AUTS2: variants seen among roughly 807,000 people sequenced by gnomAD.
The protein encoded by AUTS2 is autism susceptibility gene 2 protein.
In AUTS2, 17 loss-of-function variants were observed where a neutral mutation model predicts 112.4. That is an observed-to-expected ratio of 0.15 (90% CI 0.10 to 0.23). AUTS2 has a LOEUF of 0.23. AUTS2 is among the 10% of genes least tolerant of loss of function. The pLI is 1.00. For missense variants in AUTS2, 1,510 were observed against 1,701.6 expected (o/e 0.89, Z 1.98); for synonymous variants, 751 against 702.7 (o/e 1.07, Z -1.09).
At chr7:70,087,591 G>C (rs903387130) in intron 2 of AUTS2, among the ~76,000 whole-genome samples, 5 of 151,806 alleles carry the variant, frequency 3.3e-5, no homozygotes, top group African/African-American at 1.2e-4. Flanking sequence ...GGATGCTCTC[G>C]ATCTCCTGAT....
At chr7:69,888,967 G>T (rs1050467293) in intron 1 of AUTS2, among the ~76,000 whole-genome samples, 5 of 152,182 alleles carry the variant, frequency 3.3e-5, no homozygotes, top group African/African-American at 4.8e-5. Context: ...ATGGAAGTCC[G>T]AGAGGGGAAG....
intron 2 of AUTS2, among the ~76,000 whole-genome samples, chr7:70,006,306 C>T (rs538082220): frequency 6.6e-6 from 1 of 151,986 alleles, no homozygotes; most frequent in South Asian, 2.1e-4. Context: ...TTTCACATTG[C>T]CTTTGAGAGA....
At chr7:70,698,435 A>T (rs973552871) in intron 5 of AUTS2, 134 bp from the exon 6 acceptor site, 1 of 710,032 alleles carries the variant, frequency 1.4e-6, no homozygotes, top group Non-Finnish European at 2.3e-6. Context: ...CTTATGGATG[A>T]TTTGGGGACA....
chr7:69,648,234 C>G (rs1189037901), intron 1 of AUTS2, among the ~76,000 whole-genome samples: 2 of 152,024 alleles, frequency 1.3e-5, no homozygotes, highest in Non-Finnish European at 1.5e-5. Context: ...AACAAACTTA[C>G]AAGACATATA....
intron 5 of AUTS2, among the ~76,000 whole-genome samples, chr7:70,505,291 T>G (rs1798919046): frequency 6.6e-6 from 1 of 152,146 alleles, no homozygotes; most frequent in African/African-American, 2.4e-5. Flanking sequence ...CACCATGAAA[T>G]CAGGTGGGTG....
chr7:70,034,778 A>G (rs1180896296), intron 2 of AUTS2, among the ~76,000 whole-genome samples: 2 of 152,140 alleles, frequency 1.3e-5, no homozygotes. Context: ...CAGAACAAAC[A>G]TTGGTAGTTG....
chr7:70,354,475 G>T (rs1791903612), intron 4 of AUTS2, among the ~76,000 whole-genome samples: 1 of 152,166 alleles, frequency 6.6e-6, no homozygotes, highest in African/African-American at 2.4e-5. Context: ...TTTTCGCATG[G>T]ATTATCTTAA....
intron 4 of AUTS2, among the ~76,000 whole-genome samples, chr7:70,239,728 C>T (rs971381695): frequency 1.3e-5 from 2 of 152,080 alleles, no homozygotes; most frequent in African/African-American, 2.4e-5. Context: ...AGCCACCATA[C>T]CCGGCCCCTG....
chr7:70,095,760 TAG>T (rs1005857684), intron 2 of AUTS2, among the ~76,000 whole-genome samples: 5 of 152,204 alleles, frequency 3.3e-5, no homozygotes, highest in Admixed American at 2.6e-4. Flanking sequence ...GACTCTGTGA[TAG>T]AGTCTAAAGA....
chr7:69,900,743 G>A (rs1794936247), intron 2 of AUTS2, among the ~76,000 whole-genome samples: 1 of 152,120 alleles, frequency 6.6e-6, no homozygotes, highest in Admixed American at 6.5e-5. Flanking sequence ...AAACATCTGG[G>A]GTGATGGGTT....
chr7:70,565,164 A>G (rs931453519), intron 5 of AUTS2, among the ~76,000 whole-genome samples: 2 of 152,214 alleles, frequency 1.3e-5, no homozygotes, highest in Non-Finnish European at 1.5e-5. Context: ...TTATCTTGTA[A>G]TTTTAAAAGT....
At position 69,899,440 on chromosome 7, in the gene AUTS2, A is replaced by T; in HGVS notation, c.464A>T (p.Asp155Val). 1 of 1,613,986 alleles carries T rather than the reference A, an allele frequency of 6.2e-7. No homozygotes were observed. Residue 155 changes from aspartate to valine, a missense_variant, in exon 2 of 19, where the codon GAC (aspartate) becomes GTC (valine). By Grantham distance (152) the Asp-to-Val change is radical (BLOSUM62 -3). Transcript: ENST00000342771. ...CACTACAGCTCAGATCGAGAAAATG[A>T]CCGCAATCTCTGCCAGCACCTTGGG... ...PHHYSSDREN[D>V]RNLCQHLGKR... is the part of the protein sequence containing the mutation.
chr7:69,907,596 T>G (rs1465662946), intron 2 of AUTS2, among the ~76,000 whole-genome samples: 1 of 152,208 alleles, frequency 6.6e-6, no homozygotes, highest in Non-Finnish European at 1.5e-5. Flanking sequence ...AGGCAATAAT[T>G]ACAAGACAAA....
chr7:70,761,476 C>T (rs1220682848), intron 6 of AUTS2, among the ~76,000 whole-genome samples: 1 of 152,214 alleles, frequency 6.6e-6, no homozygotes, highest in East Asian at 1.9e-4. Flanking sequence ...ATGTTGTCAT[C>T]TATTCTTTTT....
intron 4 of AUTS2, among the ~76,000 whole-genome samples, chr7:70,209,607 AAGG>A (rs565692944): frequency 2.8e-4 from 43 of 152,286 alleles, no homozygotes; most frequent in Non-Finnish European, 5.4e-4. Context: ...GGAGATGAAG[AAGG>A]AGAAGCCAGT....
At chr7:69,848,117 G>A (rs1184346555) in intron 1 of AUTS2, among the ~76,000 whole-genome samples, 1 of 152,146 alleles carries the variant, frequency 6.6e-6, no homozygotes, top group Non-Finnish European at 1.5e-5. Context: ...TTTGCTGTAA[G>A]CCACAGGTGG....
At position 70,781,136 on chromosome 7, in the gene AUTS2, G is replaced by A. The variant is rs189592462; in HGVS notation, c.2005-479G>A. ...AGCACTTTGGGAGACCGAGATGGGC[G>A]GATCACTTGAGGTCAGGAGTTTGAG... On this transcript the variant is annotated intron_variant, in intron 14 of 18. Coordinates refer to ENST00000342771, the MANE Select transcript of AUTS2 (RefSeq NM_015570.4). Among the ~76,000 whole-genome samples the A allele has an allele frequency of 1.1e-3, 160 of 152,114 alleles. 1 individual carries two copies. Among genetic ancestry groups the A allele is most frequent in the South Asian group, 4.4e-3 (21 of 4,812 alleles).
chr7:69,747,906 T>C (rs1787571449), intron 1 of AUTS2, among the ~76,000 whole-genome samples: 1 of 152,060 alleles, frequency 6.6e-6, no homozygotes, highest in South Asian at 2.1e-4. Context: ...AAAATGGGCA[T>C]GAAGCATGCA....
intron 5 of AUTS2, among the ~76,000 whole-genome samples, chr7:70,636,035 GGAA>G (rs1282736943): frequency 6.6e-6 from 1 of 152,212 alleles, no homozygotes; most frequent in African/African-American, 2.4e-5. Flanking sequence ...GCAGCTCTCT[GGAA>G]GAAGGAGTGA....
Sources: allele counts gnomAD v4.1 joint callset (sites outside exome capture counted in the v4.1 genomes callset), GRCh38; gene constraint gnomAD v4.1.1; transcripts MANE v1.5; gene names NCBI Gene and HGNC (gene_info 2026-07-23, HGNC 2026-07-21).